FBXO11: variants seen among roughly 807,000 people sequenced by gnomAD.
FBXO11 encodes F-box only protein 11.
Under a neutral mutation model 117.0 loss-of-function variants are expected in FBXO11, and 13 were observed. That is an observed-to-expected ratio of 0.11 (90% CI 0.07 to 0.18). The LOEUF (loss-of-function observed/expected upper bound fraction) is 0.18, where lower values mean the gene tolerates loss of function less well. FBXO11 is among the 10% of genes least tolerant of loss of function. The pLI is 1.00. For synonymous variants in FBXO11, 490 were observed against 380.5 expected (o/e 1.29, Z -3.35); for missense variants, 767 against 1,164.4 (o/e 0.66, Z 4.97).
At position 47,835,173 on chromosome 2, in the gene FBXO11, CCAAATAGCAGCAGCA is replaced by C. The variant is rs1401460312; in HGVS notation, c.718-317_718-303del. The stretch of plus-strand genomic sequence containing the variant: ...TAGAGGTATCCCTGGCCTCACCCAG[CCAAATAGCAGCAGCA>C]CACTCTCCTCCCATTGTGACAATCA... On this transcript the variant is annotated intron_variant, in intron 5 of 22. Coordinates refer to ENST00000403359, the MANE Select transcript of FBXO11 (RefSeq NM_001190274.2). 1.4e-4 allele frequency among the ~76,000 whole-genome samples: 21 copies of C among 152,248 alleles called. No homozygotes were observed. The South Asian group carries it at 4.4e-3, about 32-fold the overall frequency.
At chr2:47,808,750 T>C in intron 21 of FBXO11, 1 of 303,604 alleles carries the variant, frequency 3.3e-6, no homozygotes, top group Non-Finnish European at 6.1e-6. Context: ...CTGGGATATA[T>C]CAAACACTTA....
Position 47,808,429 on chromosome 2 carries a change from TA to T in FBXO11, c.2556-3del. The T allele has an allele frequency of 6.3e-7, 1 of 1,579,964 alleles. No homozygotes were observed. The highest frequency in any genetic ancestry group is 1.8e-4 in the Middle Eastern group (1 of 5,650). ...TCTGTGGTGTTACAAGTATGACATC[TA>T]AAAAGCAAAAGCTTAAATTACTTTT... On this transcript the variant is annotated splice_region_variant and splice_polypyrimidine_tract_variant and intron_variant, in intron 21 of 22. Coordinates refer to ENST00000403359, the MANE Select transcript of FBXO11 (RefSeq NM_001190274.2).
chr2:47,894,034 T>C (rs895613196), intron 1 of FBXO11, among the ~76,000 whole-genome samples: 5 of 152,202 alleles, frequency 3.3e-5, no homozygotes, highest in Non-Finnish European at 7.3e-5. Context: ...TATCTAAGGC[T>C]ACCATATCAT....
In FBXO11 at chr2:47,806,959, T is replaced by TA. The variant is rs1229888606; in HGVS notation, c.*1158_*1159insT. On this transcript the variant is annotated 3_prime_UTR_variant, in exon 23 of 23. Transcript: ENST00000403359. ...ACTTTATTTTTTAAAAATGACCATT[T>TA]TTCCATTTTCTTTCTAGGAAATTAA... The TA allele has an allele frequency of 1.2e-4, 117 of 947,002 alleles. No individual in the cohort carries two copies. Among genetic ancestry groups the TA allele is most frequent in the Admixed American group, 1.8e-4 (9 of 50,318 alleles). The allele number at this position is 947,002 out of a possible 1,614,324, so 58.7% of individuals were successfully genotyped here. A position where few individuals can be genotyped will look rare whatever the true frequency, so the allele number is the denominator to read the frequency against.
intron 15 of FBXO11, 45 bp downstream of exon 15, chr2:47,818,911 T>C (rs1171707719): frequency 6.3e-7 from 1 of 1,585,890 alleles, no homozygotes; most frequent in Admixed American, 2.0e-5. Flanking sequence ...GACAAGTATT[T>C]ACAAAACAAT....
intron 1 of FBXO11, among the ~76,000 whole-genome samples, chr2:47,856,785 A>G (rs2710161): frequency 0.99 from 150,428 of 152,346 alleles, 74,275 homozygotes; most frequent in East Asian, 1. Context: ...GGATAATTAT[A>G]TTATCAACTG....
intron 1 of FBXO11, among the ~76,000 whole-genome samples, chr2:47,900,641 TATATACACAC>T (rs1244553358): frequency 3.5e-5 from 3 of 86,214 alleles, no homozygotes; most frequent in Non-Finnish European, 5.6e-5. Context: ...CACACGTACG[TATATACACAC>T]GTATACACAC....
intron 4 of FBXO11, 69 bp from the exon 5 acceptor site, chr2:47,836,070 T>G (rs1345184389): frequency 8.6e-7 from 1 of 1,161,198 alleles, no homozygotes; most frequent in Non-Finnish European, 1.2e-6. Flanking sequence ...TTTGAACAAC[T>G]ATAACAATTA....
intron 11 of FBXO11, among the ~76,000 whole-genome samples, chr2:47,828,298 T>C (rs1259952986): frequency 1.3e-5 from 2 of 152,206 alleles, no homozygotes; most frequent in African/African-American, 4.8e-5. Context: ...TGTCTTTTAA[T>C]GCAAACCACA....
At chr2:47,833,697 A>G (rs1281416871) in intron 7 of FBXO11, among the ~76,000 whole-genome samples, 1 of 152,244 alleles carries the variant, frequency 6.6e-6, no homozygotes, top group African/African-American at 2.4e-5. Flanking sequence ...GAAATAGTAC[A>G]AAAGTATTTA....
intron 1 of FBXO11, among the ~76,000 whole-genome samples, chr2:47,897,715 AAAAAAAGGAAAAG>A (rs1677784751): frequency 1.3e-5 from 2 of 151,608 alleles, no homozygotes; most frequent in South Asian, 4.2e-4. Flanking sequence ...AAAAAAAAAA[AAAAAAAGGAAAAG>A]AAAAAAGAAA....
chr2:47,836,572 T>C (rs558836764), intron 4 of FBXO11, among the ~76,000 whole-genome samples: 14 of 151,994 alleles, frequency 9.2e-5, no homozygotes, highest in African/African-American at 2.9e-4. Context: ...CACCTCAGCC[T>C]CCCTAAGTGC....
chr2:47,828,211 G>A (rs926710767), intron 11 of FBXO11, among the ~76,000 whole-genome samples: 1 of 152,058 alleles, frequency 6.6e-6, no homozygotes, highest in African/African-American at 2.4e-5. Flanking sequence ...GAACTCCTGG[G>A]TTCATGCAGT....
intron 1 of FBXO11, among the ~76,000 whole-genome samples, chr2:47,887,641 G>A (rs1376219201): frequency 6.6e-6 from 1 of 152,052 alleles, no homozygotes; most frequent in Non-Finnish European, 1.5e-5. Flanking sequence ...TGGGCGAACT[G>A]CTGGAGCCCA....
chr2:47,820,477 C>A (rs1253397668), intron 13 of FBXO11, 21 bp from the exon 14 acceptor site: 9 of 1,567,450 alleles, frequency 5.7e-6, no homozygotes, highest in Admixed American at 3.3e-5. Context: ...ATAAAAGTTA[C>A]AAGGTCAACA....
intron 1 of FBXO11, among the ~76,000 whole-genome samples, chr2:47,851,090 G>A (rs1400765359): frequency 1.3e-5 from 2 of 152,190 alleles, no homozygotes. Context: ...TGTCCAAGGA[G>A]AAACTGATAT....
At chr2:47,827,701 ATTTTT>A (rs34598751) in intron 11 of FBXO11, among the ~76,000 whole-genome samples, 2 of 136,614 alleles carry the variant, frequency 1.5e-5, no homozygotes, top group South Asian at 4.7e-4. Flanking sequence ...AAGAAATTAG[ATTTTT>A]TTTTTTTTTT....
intron 1 of FBXO11, among the ~76,000 whole-genome samples, chr2:47,868,602 A>G (rs779849038): frequency 2.6e-5 from 4 of 152,144 alleles, no homozygotes; most frequent in Admixed American, 6.6e-5. Flanking sequence ...TTTTGTTTTA[A>G]AATTCCAGTT....
intron 1 of FBXO11, among the ~76,000 whole-genome samples, chr2:47,904,738 G>A (rs1678618119): frequency 6.6e-6 from 1 of 152,140 alleles, no homozygotes. Flanking sequence ...GGTGTCGATA[G>A]AGCGGAAGGG....
Sources: gnomAD v4.1 joint callset for allele counts (sites outside exome capture counted in the v4.1 genomes callset) on GRCh38, gnomAD v4.1.1 for gene constraint, MANE v1.5 for transcripts, NCBI Gene and HGNC (gene_info 2026-07-23, HGNC 2026-07-21) for gene names.